PDSS1: variants seen among roughly 807,000 people sequenced by gnomAD.
PDSS1 encodes all trans-polyprenyl-diphosphate synthase PDSS1.
PDSS1 carries 43 observed loss-of-function variants against 57.5 expected under a neutral mutation model. The observed-to-expected ratio is 0.75, with a 90% CI of 0.59 to 0.96. The LOEUF (loss-of-function observed/expected upper bound fraction) is 0.96. Among genes scored for constraint, PDSS1 ranks in the 50% least tolerant of loss-of-function variants. The probability of loss-of-function intolerance (pLI) is 0.00; values close to 1 mark genes in which losing one functional copy is unlikely to be tolerated. For synonymous variants in PDSS1, 175 were observed against 191.3 expected, an observed-to-expected ratio of 0.91 and a Z score of 0.70; for missense variants, 438 against 527.8, an observed-to-expected ratio of 0.83 and a Z score of 1.67.
chr10:26,702,012 T>C, intron 1 of PDSS1, 150 bp from the exon 2 acceptor site: 1 of 405,614 alleles, frequency 2.5e-6, no homozygotes, highest in Admixed American at 2.7e-5. Flanking sequence ...GAGCTTTAAG[T>C]AATGACTGCC....
chr10:26,705,785 C>A (rs1168320166), intron 4 of PDSS1, among the ~76,000 whole-genome samples: 1 of 152,158 alleles, frequency 6.6e-6, no homozygotes, highest in African/African-American at 2.4e-5. Flanking sequence ...CTGTACAATG[C>A]AGTTTGCAAT....
In PDSS1 at chr10:26,746,419, A is replaced by G; in HGVS notation, c.1194A>G (p.Pro398=). 6.2e-7 allele frequency: 1 copy of G among 1,614,064 alleles called. No homozygotes were observed. The highest frequency in any genetic ancestry group is 1.1e-5 in the South Asian group (1 of 91,084). Residue 398 remains proline, a synonymous_variant, in exon 12 of 12, where the codon CCA becomes CCG. Coordinates refer to ENST00000376215, the MANE Select transcript of PDSS1 (RefSeq NM_014317.5). The part of the protein sequence containing the change: ...IREISKLRPS[P]ERDALIQLSE... ...AGATCAGTAAACTTCGACCATCCCC[A>G]GAAAGAGATGCCCTCATTCAGCTTT...
rs543847648 is a variant in PDSS1, at chr10:26,712,001, C to CT, written c.467+2251dup. Among the ~76,000 whole-genome samples the CT allele has an allele frequency of 3.6e-3, 225 of 61,910 alleles. 25 individuals are homozygous for CT. The highest frequency in any genetic ancestry group is 3.9e-3 in the Non-Finnish European group (109 of 27,968). 40.6% of individuals were successfully genotyped at this position (61,910 alleles called of 152,430 possible). ...ATTGGAAGTTTTTCTTTTTCTTTTT[C>CT]TTTTTTTTTTTTTTTTTTGAGATGG... On this transcript the variant is annotated intron_variant, in intron 5 of 11. Transcript: ENST00000376215.
intron 1 of PDSS1, among the ~76,000 whole-genome samples, chr10:26,700,780 G>A (rs989333286): frequency 6.6e-6 from 1 of 152,090 alleles, no homozygotes; most frequent in Non-Finnish European, 1.5e-5. Context: ...AGATTGCCCA[G>A]TCATGGGTAA....
chr10:26,712,445 T>C lies in PDSS1; in HGVS notation c.467+2677T>C, dbSNP rs1440170627. ...CCAGGGAATGTCAGAGCTGCAGCCTTATTCTCCCTATAAGTGATTGGAGCA... is the reference window on the plus strand; with the variant it reads ...CCAGGGAATGTCAGAGCTGCAGCCTCATTCTCCCTATAAGTGATTGGAGCA... On this transcript the variant is annotated intron_variant, in intron 5 of 11. Coordinates refer to ENST00000376215, the MANE Select transcript of PDSS1 (RefSeq NM_014317.5). Among the ~76,000 whole-genome samples the C allele has an allele frequency of 4.0e-5, 4 of 99,724 alleles. 1 individual carries two copies. The East Asian group carries it at 9.9e-4, about 25-fold the overall frequency. The allele number at this position is 99,724 out of a possible 152,430, so 65.4% of individuals were successfully genotyped here.
intron 6 of PDSS1, among the ~76,000 whole-genome samples, chr10:26,721,901 T>TA (rs1835799880): frequency 6.6e-6 from 1 of 152,234 alleles, no homozygotes; most frequent in South Asian, 2.1e-4. Flanking sequence ...AGCACAGGGC[T>TA]ACTTGCCAGT....
At chr10:26,704,217 A>G (rs2132216210) in intron 2 of PDSS1, among the ~76,000 whole-genome samples, 1 of 152,116 alleles carries the variant, frequency 6.6e-6, no homozygotes, top group African/African-American at 2.4e-5. Context: ...TACTTTTAAC[A>G]CCCTGGTTTG....
intron 4 of PDSS1, among the ~76,000 whole-genome samples, 162 bp from the exon 5 acceptor site, chr10:26,709,476 G>A (rs1295078584): frequency 2.6e-5 from 4 of 151,942 alleles, no homozygotes; most frequent in East Asian, 1.9e-4. Context: ...CAGGAGAATC[G>A]CATGAACCCG....
At chr10:26,713,947 T>C (rs1835476522) in intron 5 of PDSS1, among the ~76,000 whole-genome samples, 1 of 152,128 alleles carries the variant, frequency 6.6e-6, no homozygotes, top group South Asian at 2.1e-4. Flanking sequence ...GAAGGGCCAT[T>C]CTACCTGCAC....
chr10:26,732,798 A>C (rs1018545779), intron 8 of PDSS1, among the ~76,000 whole-genome samples: 2 of 152,202 alleles, frequency 1.3e-5, no homozygotes, highest in Admixed American at 1.3e-4. Context: ...TATGTGCTCC[A>C]CACATTTTAA....
rs569930456 is a variant in PDSS1, at chr10:26,723,878, A to G, written c.682A>G (p.Ile228Val). The stretch of plus-strand genomic sequence containing the variant: ...GGCACGAATTGGAAATACAACTGTT[A>G]TATCTATTTTAACCCAAGTTATTGA... ...ALARIGNTTV[I>V]SILTQVIEDL... The change falls in exon 7 of 12, where the codon ATA becomes GTA. Residue 228 changes from isoleucine to valine, a missense_variant. By Grantham distance (29) the Ile-to-Val change is conservative. Coordinates refer to ENST00000376215, the MANE Select transcript of PDSS1 (RefSeq NM_014317.5). 1.9e-6 allele frequency: 3 copies of G among 1,612,946 alleles called. No individual in the cohort carries two copies. Among genetic ancestry groups the G allele is most frequent in the South Asian group, 1.1e-5 (1 of 91,050 alleles).
At chr10:26,718,814 T>C (rs1457676239) in intron 5 of PDSS1, 3 of 150,416 alleles carry the variant, frequency 2.0e-5, no homozygotes, top group African/African-American at 4.9e-5. Context: ...ATTTCCAGGC[T>C]GAGAGCAGTT....
intron 11 of PDSS1, among the ~76,000 whole-genome samples, chr10:26,745,128 CATTCCAGCCTGGGCGACAGAGCAAG>C (rs1299757320): frequency 1.3e-5 from 2 of 151,840 alleles, no homozygotes; most frequent in Admixed American, 1.3e-4. Context: ...CACGCCACTG[CATTCCAGCCTGGGCGACAGAGCAAG>C]ATTCCATCTC....
At chr10:26,739,033 A>G (rs1040084930) in intron 10 of PDSS1, among the ~76,000 whole-genome samples, 4 of 152,188 alleles carry the variant, frequency 2.6e-5, no homozygotes, top group African/African-American at 9.7e-5. Flanking sequence ...CTTTTTTAAA[A>G]AAACCAAATC....
chr10:26,726,118 T>C (rs917255956), intron 8 of PDSS1, among the ~76,000 whole-genome samples: 2 of 152,164 alleles, frequency 1.3e-5, no homozygotes, highest in Non-Finnish European at 2.9e-5. Context: ...TGAGTCATGA[T>C]AGAGAGGTTT....
chr10:26,709,111 C>G (rs1835336845), intron 4 of PDSS1, among the ~76,000 whole-genome samples: 1 of 152,322 alleles, frequency 6.6e-6, no homozygotes, highest in South Asian at 2.1e-4. Context: ...AGTACCTGTT[C>G]TAGCATTCAG....
chr10:26,735,477 T>C lies in PDSS1; in HGVS notation c.924T>C (p.Asp308=). ...NVGIAFQLID[D]VLDFTSCSDQ... Reference sequence around the variant, plus strand: ...TTTCCTTTTGCCAGCTAATAGATGATGTATTGGACTTCACCTCGTGTTCTG... The same window carrying C: ...TTTCCTTTTGCCAGCTAATAGATGACGTATTGGACTTCACCTCGTGTTCTG... Residue 308 remains aspartate, a synonymous_variant, in exon 10 of 12, where the codon GAT becomes GAC. Coordinates refer to ENST00000376215, the MANE Select transcript of PDSS1 (RefSeq NM_014317.5). 1 of 1,608,162 alleles carries C rather than the reference T, an allele frequency of 6.2e-7. No homozygotes were observed. The highest frequency in any genetic ancestry group is 8.5e-7 in the Non-Finnish European group (1 of 1,174,574).
chr10:26,724,609 G>T (rs1835894398), intron 8 of PDSS1, among the ~76,000 whole-genome samples: 2 of 151,724 alleles, frequency 1.3e-5, no homozygotes, highest in Admixed American at 1.3e-4. Flanking sequence ...AGAGTCTTTT[G>T]CTGTGTGGCC....
intron 5 of PDSS1, among the ~76,000 whole-genome samples, chr10:26,714,274 G>A (rs1384165861): frequency 6.6e-6 from 1 of 152,126 alleles, no homozygotes. Flanking sequence ...AGGAGTTTGA[G>A]GCTAGCCTGG....
Sources: gnomAD v4.1 joint callset for allele counts (sites outside exome capture counted in the v4.1 genomes callset) on GRCh38, gnomAD v4.1.1 for gene constraint, MANE v1.5 for transcripts, NCBI Gene and HGNC (gene_info 2026-07-23, HGNC 2026-07-21) for gene names.